Variants in HEBP1 observed in about 807,000 individuals in gnomAD.
HEBP1 encodes the protein heme binding protein 1, also known as heme-binding protein 1.
Under a neutral mutation model 20.4 loss-of-function variants are expected in HEBP1, and 13 were observed. That is an observed-to-expected ratio of 0.64 (90% confidence interval 0.42 to 1.01). The LOEUF is 1.01. Ranked by LOEUF, HEBP1 falls within the 50% of genes least tolerant of loss-of-function variation. HEBP1 has a pLI of 0.00. For synonymous variants in HEBP1, 92 were observed against 90.7 expected (o/e 1.01, Z -0.08); for missense variants, 241 against 247.3 (o/e 0.97, Z 0.17).
intron 1 of HEBP1, among the ~76,000 whole-genome samples, chr12:12,991,474 CA>C (rs1419553286): frequency 6.6e-6 from 1 of 152,204 alleles, no homozygotes; most frequent in Non-Finnish European, 1.5e-5. Flanking sequence ...TCCCCATCAC[CA>C]CTTTCTGCAT....
At chr12:12,983,421 G>T (rs773337465) in intron 3 of HEBP1, 114 of 280,798 alleles carry the variant, frequency 4.1e-4, no homozygotes, top group Non-Finnish European at 7.2e-4. Context: ...CTCTTCACAA[G>T]GTCATAAAGA....
At chr12:12,993,539 G>T (rs1864254559) in intron 1 of HEBP1, among the ~76,000 whole-genome samples, 1 of 142,984 alleles carries the variant, frequency 7.0e-6, no homozygotes, top group African/African-American at 2.7e-5. Flanking sequence ...GTCTTGCAAT[G>T]TTGCCCAGTC....
At chr12:12,978,922 C>G (rs921040530) in intron 3 of HEBP1, 12 of 152,068 alleles carry the variant, frequency 7.9e-5, no homozygotes, top group African/African-American at 2.9e-4. Context: ...TGTGTCTGAC[C>G]ATGTAAAAAT....
At chr12:12,999,969 G>A in intron 1 of HEBP1, 68 bp downstream of exon 1, 1 of 1,105,868 alleles carries the variant, frequency 9.0e-7, no homozygotes, top group Non-Finnish European at 1.3e-6. Flanking sequence ...AGCACCCGCT[G>A]CAGCCCCGAC....
chr12:12,988,139 A>T (rs1864176117), intron 2 of HEBP1, among the ~76,000 whole-genome samples: 1 of 152,198 alleles, frequency 6.6e-6, no homozygotes, highest in Non-Finnish European at 1.5e-5. Context: ...ATTATGAAAT[A>T]ATAACTAACA....
rs1864298089 is a variant in HEBP1 at position 12,996,968 on chromosome 12, T to G, written c.78+3069A>C. 6.6e-6 allele frequency among the ~76,000 whole-genome samples: 1 copy of G among 152,242 alleles called. No homozygotes were observed. Among genetic ancestry groups the G allele is most frequent in the South Asian group, 2.1e-4 (1 of 4,832 alleles). ...ACAGCTAGAAAGAATGAAGCTGAGA[T>G]GAGCACTGATATAATGCTATTACTA... On this transcript the variant is annotated intron_variant, in intron 1 of 3. Transcript: ENST00000014930. This position sits in a 1 kb window ranked among gnomAD's most constrained non-coding sequence, Gnocchi z 4.1.
chr12:12,989,191 C>G, intron 2 of HEBP1, 86 bp downstream of exon 2: 1 of 1,430,230 alleles, frequency 7.0e-7, no homozygotes, highest in Non-Finnish European at 9.8e-7. Context: ...TGCCTTGTAG[C>G]CCCTCACTTG....
At position 13,000,215 on chromosome 12, in the gene HEBP1, AGGGCGGCAGGGCGG is replaced by A; in HGVS notation, c.-115_-102del. The A allele has an allele frequency of 2.6e-6, 1 of 391,496 alleles. No individual in the cohort carries two copies. The highest frequency in any genetic ancestry group is 6.3e-5 in the South Asian group (1 of 15,844). 24.3% of individuals were successfully genotyped at this position (391,496 alleles called of 1,614,324 possible). ...ACCGGCGGCAGGGCGGCAGGGCGGCAGGGCGGCAGGGCGGCAGGGTGGCAGGGCGGCAAGGCGGC... is the reference window on the plus strand; with the variant it reads ...ACCGGCGGCAGGGCGGCAGGGCGGCACAGGGTGGCAGGGCGGCAAGGCGGC... On this transcript the variant is annotated 5_prime_UTR_variant, in exon 1 of 4. Coordinates refer to ENST00000014930, the MANE Select transcript of HEBP1 (RefSeq NM_015987.5).
At position 12,975,470 on chromosome 12, in the gene HEBP1, A is replaced by G. The variant is rs529533329; in HGVS notation, c.408T>C (p.Gly136=). 7 of 1,607,408 alleles carry G rather than the reference A, an allele frequency of 4.4e-6. No homozygotes were observed. The East Asian group carries it at 1.4e-4, about 31-fold the overall frequency. The change falls in exon 4 of 4, where the codon GGT becomes GGC. Residue 136 remains glycine (G), a synonymous_variant. Coordinates refer to ENST00000014930, the MANE Select transcript of HEBP1 (RefSeq NM_015987.5). ...CGTAGTCTGCTTCCTTGGCATAACC[A>G]CCAAACTGCCTGGGGGTTCAAGAGC... The part of the protein sequence containing the change: ...EGITVYSMQF[G]GYAKEADYVA...
At chr12:12,988,488 C>A (rs1402619008) in intron 2 of HEBP1, among the ~76,000 whole-genome samples, 1 of 152,138 alleles carries the variant, frequency 6.6e-6, no homozygotes, top group Non-Finnish European at 1.5e-5. Flanking sequence ...GACAGAGCAG[C>A]TCCTAGTAAA....
At chr12:12,990,557 A>G (rs1864212156) in intron 1 of HEBP1, among the ~76,000 whole-genome samples, 1 of 152,076 alleles carries the variant, frequency 6.6e-6, no homozygotes, top group Admixed American at 6.5e-5. Flanking sequence ...TCTAACCCTT[A>G]AGCTGTCCTT....
At chr12:12,987,891 C>T (rs1205970620) in intron 2 of HEBP1, among the ~76,000 whole-genome samples, 1 of 152,174 alleles carries the variant, frequency 6.6e-6, no homozygotes, top group Admixed American at 6.5e-5. Context: ...CCATCTTGGC[C>T]TCCCAAAGTG....
At chr12:12,988,204 A>G (rs1864176656) in intron 2 of HEBP1, among the ~76,000 whole-genome samples, 1 of 152,340 alleles carries the variant, frequency 6.6e-6, no homozygotes, top group African/African-American at 2.4e-5. Context: ...AGCCCTAAAA[A>G]ATACATTCAA....
chr12:12,982,652 G>A (rs1041172302), intron 3 of HEBP1, among the ~76,000 whole-genome samples: 4 of 152,134 alleles, frequency 2.6e-5, no homozygotes, highest in East Asian at 1.9e-4. Flanking sequence ...CAATGAAACC[G>A]GCCTTTGCAA....
intron 2 of HEBP1, among the ~76,000 whole-genome samples, chr12:12,987,612 T>TTTCTCTCTCTCTCTCTCTCTCTCTCTCTC (rs1555114947): frequency 8.5e-6 from 1 of 117,784 alleles, no homozygotes; most frequent in Non-Finnish European, 1.7e-5. Flanking sequence ...CTCTCTCTCT[T>TTTCTCTCTCTCTCTCTCTCTCTCTCTCTC]TCTCTCTCTC....
chr12:12,999,500 G>A (rs761512244), intron 1 of HEBP1, among the ~76,000 whole-genome samples: 2 of 152,222 alleles, frequency 1.3e-5, no homozygotes, highest in African/African-American at 4.8e-5. Flanking sequence ...CCGGTCCCAG[G>A]AATCAAGATT....
At position 12,998,139 on chromosome 12, in the gene HEBP1, C is replaced by CCCCTT. The variant is rs60153982; in HGVS notation, c.78+1897_78+1898insAAGGG. Among the ~76,000 whole-genome samples, 124,536 of 151,120 alleles carry CCCCTT rather than the reference C, an allele frequency of 0.82. 51,915 individuals are homozygous for CCCCTT. Among genetic ancestry groups the CCCCTT allele is most frequent in the East Asian group, 0.98 (5,032 of 5,122 alleles). ...CTCCTAATACTCCCTATTCCTCACTCCCCTGCTTGCTTTTCTTCACAGCAC... is the reference window on the plus strand; with the variant it reads ...CTCCTAATACTCCCTATTCCTCACTCCCCTTCCCTGCTTGCTTTTCTTCACAGCAC... On this transcript the variant is annotated intron_variant, in intron 1 of 3. Coordinates refer to ENST00000014930, the MANE Select transcript of HEBP1 (RefSeq NM_015987.5). This position sits in a 1 kb window ranked among gnomAD's most constrained non-coding sequence, Gnocchi z 4.2.
Position 12,989,922 on chromosome 12 carries a change from T to C in HEBP1, c.79-507A>G, listed in dbSNP as rs574395279. ...AAGGAATCAGAGTTCATTTTTCCCT[T>C]GGCCTCCTTGGGGGACTGGATCCAG... On this transcript the variant is annotated intron_variant, in intron 1 of 3. Coordinates refer to ENST00000014930, the MANE Select transcript of HEBP1 (RefSeq NM_015987.5). 1.1e-3 allele frequency among the ~76,000 whole-genome samples: 171 copies of C among 152,288 alleles called. 1 individual carries two copies. Among genetic ancestry groups the C allele is most frequent in the Non-Finnish European group, 2.2e-3 (149 of 68,010 alleles).
chr12:12,985,154 A>G (rs2136543429), intron 3 of HEBP1, among the ~76,000 whole-genome samples: 1 of 152,318 alleles, frequency 6.6e-6, no homozygotes, highest in African/African-American at 2.4e-5. Flanking sequence ...TTGGAAAAAA[A>G]AAAAAAGTAA....
Sources: allele counts gnomAD v4.1 joint callset (sites outside exome capture counted in the v4.1 genomes callset), GRCh38; gene constraint gnomAD v4.1.1; non-coding constraint Gnocchi (gnomAD v3.1); transcripts MANE v1.5; gene names NCBI Gene and HGNC (gene_info 2026-07-23, HGNC 2026-07-21).